Variants in FXR1 observed in about 807,000 individuals in gnomAD.
The protein encoded by FXR1 is FMR1 autosomal homolog 1, also known as RNA-binding protein FXR1.
Under a neutral mutation model 84.0 loss-of-function variants are expected in FXR1, and 15 were observed. The ratio of observed to expected loss-of-function variants is 0.18; its 90% confidence interval spans 0.12 to 0.27. The LOEUF (loss-of-function observed/expected upper bound fraction) is 0.27, where lower values mean the gene tolerates loss of function less well. FXR1 is among the 10% of genes least tolerant of loss of function. The pLI, the probability that FXR1 is intolerant of heterozygous loss-of-function variation, is 1.00. For missense variants in FXR1, 480 were observed against 774.4 expected (o/e 0.62, Z 4.51); for synonymous variants, 245 against 250.7 (o/e 0.98, Z 0.21).
intron 14 of FXR1, chr3:180,968,547 T>G (rs1713130307): frequency 4.0e-6 from 1 of 252,864 alleles, no homozygotes; most frequent in Admixed American, 5.0e-5. Context: ...TAGAATTTTT[T>G]TTGTTTTCCC....
intron 7 of FXR1, among the ~76,000 whole-genome samples, chr3:180,950,515 A>G (rs1722122870): frequency 6.6e-6 from 1 of 152,108 alleles, no homozygotes; most frequent in Non-Finnish European, 1.5e-5. Flanking sequence ...AGTACATATG[A>G]AACTTAGCAT....
At position 180,951,473 on chromosome 3, in the gene FXR1, G is replaced by C; in HGVS notation, c.801+5G>C. ...ACATTCAGAATCTACGGAGAGGTAA[G>C]TTCTCTTTCTCCTGCCTTGGCCTTT... On this transcript the variant is annotated splice_donor_5th_base_variant and intron_variant, in intron 8 of 16. Coordinates refer to ENST00000357559, the MANE Select transcript of FXR1 (RefSeq NM_005087.4). 6.3e-7 allele frequency: 1 copy of C among 1,598,484 alleles called. No homozygotes were observed. Among genetic ancestry groups the C allele is most frequent in the South Asian group, 1.1e-5 (1 of 89,252 alleles).
chr3:180,966,101 T>C (rs995047580), intron 13 of FXR1, among the ~76,000 whole-genome samples: 2 of 152,168 alleles, frequency 1.3e-5, no homozygotes, highest in African/African-American at 4.8e-5. Flanking sequence ...TTTTTTTCAC[T>C]ATTCAAGGAA....
chr3:180,920,426 A>G (rs533709766), intron 1 of FXR1, among the ~76,000 whole-genome samples: 10 of 152,202 alleles, frequency 6.6e-5, no homozygotes, highest in Non-Finnish European at 1.0e-4. Flanking sequence ...ATCTTGGTCA[A>G]GTTCAGATAT....
chr3:180,926,060 A>G (rs1719140377), intron 1 of FXR1, among the ~76,000 whole-genome samples: 1 of 152,204 alleles, frequency 6.6e-6, no homozygotes, highest in Non-Finnish European at 1.5e-5. Context: ...GTACTTTACC[A>G]CAAGTTTGCA....
intron 1 of FXR1, among the ~76,000 whole-genome samples, chr3:180,916,017 G>A (rs940012180): frequency 6.6e-6 from 1 of 152,172 alleles, no homozygotes; most frequent in Admixed American, 6.5e-5. Context: ...ATGGGAAGAT[G>A]TTAATTAAGC....
intron 1 of FXR1, among the ~76,000 whole-genome samples, chr3:180,922,196 A>AG (rs1576894252): frequency 6.6e-6 from 1 of 152,306 alleles, no homozygotes; most frequent in East Asian, 1.9e-4. Context: ...GCTTGGTGAA[A>AG]GGGAACCTTT....
chr3:180,943,167 A>G (rs760329092), intron 3 of FXR1, among the ~76,000 whole-genome samples: 9 of 149,814 alleles, frequency 6.0e-5, no homozygotes, highest in Non-Finnish European at 1.2e-4. Flanking sequence ...GGGTTTCACC[A>G]TATTGGTCAG....
At chr3:180,925,940 T>G (rs796274820) in intron 1 of FXR1, among the ~76,000 whole-genome samples, 1 of 152,156 alleles carries the variant, frequency 6.6e-6, no homozygotes, top group African/African-American at 2.4e-5. Context: ...TTGGGGTAAA[T>G]GGAGAGTTAA....
intron 1 of FXR1, among the ~76,000 whole-genome samples, chr3:180,930,604 T>C (rs1232119543): frequency 6.6e-6 from 1 of 152,200 alleles, no homozygotes; most frequent in African/African-American, 2.4e-5. Context: ...GGCTGTCTTC[T>C]GATGGAAGAG....
chr3:180,969,291 T>G (rs552595476), intron 14 of FXR1, among the ~76,000 whole-genome samples: 1 of 152,342 alleles, frequency 6.6e-6, no homozygotes, highest in Non-Finnish European at 1.5e-5. Context: ...ATAAATGTAC[T>G]TGACCTAGTG....
At chr3:180,932,057 C>T (rs1576917685) in intron 1 of FXR1, among the ~76,000 whole-genome samples, 3 of 67,760 alleles carry the variant, frequency 4.4e-5, no homozygotes, top group Admixed American at 5.0e-4. Context: ...ACCCTTCTTC[C>T]ATTTACTTTG....
At chr3:180,914,274 T>G (rs1341778337) in intron 1 of FXR1, among the ~76,000 whole-genome samples, 1 of 152,220 alleles carries the variant, frequency 6.6e-6, no homozygotes, top group Admixed American at 6.5e-5. Flanking sequence ...CCTGGACTAC[T>G]GCAGATACAG....
intron 3 of FXR1, among the ~76,000 whole-genome samples, chr3:180,941,844 T>C (rs1482771302): frequency 6.6e-6 from 1 of 152,162 alleles, no homozygotes; most frequent in Non-Finnish European, 1.5e-5. Flanking sequence ...TCATTCCAGA[T>C]GTTAAACTTT....
chr3:180,953,355 T>C (rs1229065268), intron 8 of FXR1, among the ~76,000 whole-genome samples: 1 of 152,180 alleles, frequency 6.6e-6, no homozygotes, highest in Admixed American at 6.5e-5. Flanking sequence ...ATTTTGAGAA[T>C]AAATAAATCA....
intron 13 of FXR1, among the ~76,000 whole-genome samples, chr3:180,964,551 A>G (rs1042025151): frequency 2.6e-5 from 4 of 152,022 alleles, no homozygotes; most frequent in Admixed American, 1.3e-4. Context: ...AGTGGAATTG[A>G]TAACATTTTA....
intron 15 of FXR1, among the ~76,000 whole-genome samples, chr3:180,974,052 T>C (rs1713912423): frequency 6.6e-6 from 1 of 152,174 alleles, no homozygotes; most frequent in Non-Finnish European, 1.5e-5. Context: ...ATATTGTACT[T>C]TTACATATCA....
intron 15 of FXR1, among the ~76,000 whole-genome samples, chr3:180,975,071 G>A (rs1714062540): frequency 6.6e-6 from 1 of 151,928 alleles, no homozygotes; most frequent in Non-Finnish European, 1.5e-5. Context: ...CAAATAGCTG[G>A]ATTCTTGGGA....
At chr3:180,944,306 T>C (rs1721453315) in intron 3 of FXR1, among the ~76,000 whole-genome samples, 2 of 150,902 alleles carry the variant, frequency 1.3e-5, no homozygotes, top group African/African-American at 4.9e-5. Context: ...AATGAAAGGG[T>C]AGTAAGGTCG....
Sources: gnomAD v4.1 joint callset for allele counts (sites outside exome capture counted in the v4.1 genomes callset) on GRCh38, gnomAD v4.1.1 for gene constraint, MANE v1.5 for transcripts, NCBI Gene and HGNC (gene_info 2026-07-23, HGNC 2026-07-21) for gene names.